GALNT13: variants seen among roughly 807,000 people sequenced by gnomAD.
GALNT13 encodes polypeptide N-acetylgalactosaminyltransferase 13.
A neutral mutation model predicts 64.2 loss-of-function variants in GALNT13; 28 were observed. That is an observed-to-expected ratio of 0.44 (90% confidence interval 0.32 to 0.60). The LOEUF is 0.60. GALNT13 is among the 20% of genes least tolerant of loss of function. The pLI is 0.05. For synonymous variants in GALNT13, 214 were observed against 224.6 expected (o/e 0.95, Z 0.42); for missense variants, 577 against 669.8 (o/e 0.86, Z 1.53).
chr2:153,930,474 A>G (rs1668363839), intron 2 of GALNT13, among the ~76,000 whole-genome samples: 1 of 152,200 alleles, frequency 6.6e-6, no homozygotes, highest in Non-Finnish European at 1.5e-5. Flanking sequence ...TTTTGCATTT[A>G]AGTCTATAGT....
chr2:153,117,919 CA>C, the GALNT13 span, among the ~76,000 whole-genome samples: 1 of 152,106 alleles, frequency 6.6e-6, no homozygotes, highest in Non-Finnish European at 1.5e-5. Flanking sequence ...TCACGAACTC[CA>C]AAAGTTTCCT....
At chr2:153,073,292 A>G in the GALNT13 span, among the ~76,000 whole-genome samples, 1 of 152,068 alleles carries the variant, frequency 6.6e-6, no homozygotes, top group African/African-American at 2.4e-5. Flanking sequence ...TATTCTGAAT[A>G]AAAATAAATA....
chr2:154,382,223 T>C lies in GALNT13; in HGVS notation c.1157-13768T>C, dbSNP rs571260229. ...AGCATAGTCCTAGACCAATGATATC[T>C]TGAAACAAATATAAAGCTCTAAAAA... is the stretch of plus-strand genomic sequence containing the variant. On this transcript the variant is annotated intron_variant, in intron 9 of 12. Transcript: ENST00000392825. Among the ~76,000 whole-genome samples the C allele has an allele frequency of 2.0e-5, 3 of 152,178 alleles. No individual in the cohort carries two copies. In the South Asian group the frequency reaches 6.2e-4, roughly 31 times the overall value.
chr2:153,973,337 T>C (rs1468383237), intron 3 of GALNT13, among the ~76,000 whole-genome samples: 2 of 152,122 alleles, frequency 1.3e-5, no homozygotes, highest in Non-Finnish European at 2.9e-5. Context: ...CATCATCCTA[T>C]CTGCTGTGCC....
the GALNT13 span, among the ~76,000 whole-genome samples, chr2:153,647,785 T>G: frequency 2.6e-5 from 4 of 152,010 alleles, no homozygotes; most frequent in South Asian, 6.2e-4. Context: ...TAGATGTGTG[T>G]TATTATTTCT....
the GALNT13 span, among the ~76,000 whole-genome samples, chr2:153,458,053 AACT>A: frequency 6.6e-6 from 1 of 152,172 alleles, no homozygotes; most frequent in Admixed American, 6.5e-5. Flanking sequence ...TTCTAGACAG[AACT>A]ACTATAAGTT....
chr2:153,942,628 C>A (rs1396682260), intron 2 of GALNT13, among the ~76,000 whole-genome samples: 1 of 151,644 alleles, frequency 6.6e-6, no homozygotes, highest in African/African-American at 2.4e-5. Context: ...TAACATGTTA[C>A]TTTTTTCTAA....
chr2:153,101,366 CT>C, the GALNT13 span, among the ~76,000 whole-genome samples: 23,587 of 152,016 alleles, frequency 0.16, 2,640 homozygotes, highest in East Asian at 0.55. Flanking sequence ...TCAGAGATTG[CT>C]TTTTTACGGT....
At chr2:154,065,969 A>G (rs1343279997) in intron 3 of GALNT13, among the ~76,000 whole-genome samples, 2 of 152,224 alleles carry the variant, frequency 1.3e-5, no homozygotes, top group African/African-American at 2.4e-5. Context: ...GAGGAAACAC[A>G]ATTCAAGATA....
At chr2:154,370,517 T>C (rs1210043141) in intron 9 of GALNT13, among the ~76,000 whole-genome samples, 1 of 152,114 alleles carries the variant, frequency 6.6e-6, no homozygotes, top group Non-Finnish European at 1.5e-5. Flanking sequence ...GGTTTGTGAA[T>C]AAAGTTAATG....
chr2:154,327,172 G>C (rs1240785433), intron 9 of GALNT13, among the ~76,000 whole-genome samples: 1 of 151,786 alleles, frequency 6.6e-6, no homozygotes, highest in Non-Finnish European at 1.5e-5. Context: ...TTTTATAAGG[G>C]GCTCTTCCTC....
the GALNT13 span, among the ~76,000 whole-genome samples, chr2:153,467,560 G>T: frequency 6.6e-6 from 1 of 152,008 alleles, no homozygotes; most frequent in East Asian, 1.9e-4. Context: ...CATTTTACCT[G>T]TATGACCTTG....
the GALNT13 span, among the ~76,000 whole-genome samples, chr2:153,722,646 C>G: frequency 1.3e-5 from 2 of 152,130 alleles, no homozygotes; most frequent in African/African-American, 4.8e-5. Context: ...CACAGAAATA[C>G]AAACTATCAT....
chr2:154,028,737 A>G (rs1012963328), intron 3 of GALNT13, among the ~76,000 whole-genome samples: 1 of 152,086 alleles, frequency 6.6e-6, no homozygotes, highest in Non-Finnish European at 1.5e-5. Context: ...TTATGTTTTC[A>G]TAAGGACATA....
At chr2:153,126,580 A>G in the GALNT13 span, among the ~76,000 whole-genome samples, 1 of 151,966 alleles carries the variant, frequency 6.6e-6, no homozygotes, top group Non-Finnish European at 1.5e-5. Context: ...TCTTTCCACT[A>G]TGCCACACTG....
At chr2:154,429,192 T>C (rs1700603715) in intron 11 of GALNT13, among the ~76,000 whole-genome samples, 1 of 151,964 alleles carries the variant, frequency 6.6e-6, no homozygotes, top group South Asian at 2.1e-4. Flanking sequence ...TCACTTTAAA[T>C]CAAAAGCTAT....
intron 4 of GALNT13, among the ~76,000 whole-genome samples, chr2:154,188,574 T>C (rs1686390813): frequency 6.6e-6 from 1 of 152,214 alleles, no homozygotes; most frequent in Non-Finnish European, 1.5e-5. Context: ...TATTTATTAA[T>C]GTTAAAGCAA....
At chr2:153,081,018 A>T in the GALNT13 span, among the ~76,000 whole-genome samples, 1 of 152,016 alleles carries the variant, frequency 6.6e-6, no homozygotes, top group Non-Finnish European at 1.5e-5. Flanking sequence ...AAAATTATAT[A>T]AATTTTAGGT....
chr2:153,282,987 C>T, the GALNT13 span, among the ~76,000 whole-genome samples: 411 of 152,292 alleles, frequency 2.7e-3, no homozygotes, highest in Middle Eastern at 0.01. Flanking sequence ...AACCTATAAG[C>T]CAGTAGATGA....
Sources: allele counts gnomAD v4.1 joint callset (sites outside exome capture counted in the v4.1 genomes callset), GRCh38; gene constraint gnomAD v4.1.1; transcripts MANE v1.5; gene names NCBI Gene and HGNC (gene_info 2026-07-23, HGNC 2026-07-21).